The following PAFAH1B1 variants were observed in gnomAD, a reference collection of about 807,000 sequenced individuals.
The protein encoded by PAFAH1B1 is platelet-activating factor acetylhydrolase IB subunit beta.
Under a neutral mutation model 57.5 loss-of-function variants are expected in PAFAH1B1, and 2 were observed. That is an observed-to-expected ratio of 0.03 (90% confidence interval 0.01 to 0.11). The LOEUF is 0.11. Among genes scored for constraint, PAFAH1B1 ranks in the 10% least tolerant of loss-of-function variants. The probability of loss-of-function intolerance (pLI) is 1.00; values close to 1 mark genes in which losing one functional copy is unlikely to be tolerated. For synonymous variants in PAFAH1B1, 152 were observed against 169.6 expected (o/e 0.90, Z 0.81); for missense variants, 257 against 512.0 (o/e 0.50, Z 4.81).
chr17:2,642,593 A>G (rs2068710769), intron 2 of PAFAH1B1, among the ~76,000 whole-genome samples: 1 of 152,170 alleles, frequency 6.6e-6, no homozygotes, highest in South Asian at 2.1e-4. Flanking sequence ...GATCCCAAGC[A>G]TTTCAGATAA....
chr17:2,665,881 T>C (rs2069100719), intron 3 of PAFAH1B1, 135 bp from the exon 4 acceptor site: 1 of 917,606 alleles, frequency 1.1e-6, no homozygotes, highest in South Asian at 1.8e-5. Flanking sequence ...GGATTACAGG[T>C]GAGCCACCAT....
At chr17:2,665,335 G>C (rs780542798) in intron 2 of PAFAH1B1, 37 bp from the exon 3 acceptor site, 1 of 1,095,104 alleles carries the variant, frequency 9.1e-7, no homozygotes, top group Non-Finnish European at 1.4e-6. Flanking sequence ...TAGAAATGAG[G>C]TCTTTTTTTT....
intron 1 of PAFAH1B1, among the ~76,000 whole-genome samples, chr17:2,625,111 T>TTGGATAGCAGATACG: frequency 6.6e-6 from 1 of 152,266 alleles, no homozygotes; most frequent in East Asian, 1.9e-4. Context: ...AGATGCTGCA[T>TTGGATAGCAGATACG]TGGATAGCAG....
chr17:2,664,694 T>TCTCTCTCTCTCTCTCTCTCTCTCACTC lies in PAFAH1B1; in HGVS notation c.33-678_33-677insCTCTCTCTCTCTCTCTCTCTCTCACTC, dbSNP rs1567554200. Among the ~76,000 whole-genome samples the TCTCTCTCTCTCTCTCTCTCTCTCACTC allele has an allele frequency of 1.7e-5, 2 of 114,462 alleles. 1 individual carries two copies. The highest frequency in any genetic ancestry group is 4.0e-5 in the Non-Finnish European group (2 of 49,928). 75.1% of individuals were successfully genotyped at this position (114,462 alleles called of 152,430 possible). On this transcript the variant is annotated intron_variant, in intron 2 of 10. Transcript: ENST00000397195. ...TCTCTCTCTCTCTCTCTCTCTCTCT[T>TCTCTCTCTCTCTCTCTCTCTCTCACTC]TCTCTCTCCATCTATAAAGCCCAAA... is the stretch of plus-strand genomic sequence containing the variant.
In PAFAH1B1 at chr17:2,682,993, T is replaced by C. The variant is rs1274221307; in HGVS notation, c.*1191T>C. On this transcript the variant is annotated 3_prime_UTR_variant, in exon 11 of 11. Transcript: ENST00000397195. ...CTCCATGTCCTTAGTCCTGGGTTTT[T>C]GAAAAAGTGCTAAAACGGACAAGTA... 1 of 152,638 alleles carries C rather than the reference T, an allele frequency of 6.6e-6. No individual in the cohort carries two copies. The highest frequency in any genetic ancestry group is 1.5e-5 in the Non-Finnish European group (1 of 68,038). The allele number at this position is 152,638 out of a possible 1,614,324, so 9.5% of individuals were successfully genotyped here. A position where few individuals can be genotyped will look rare whatever the true frequency, so the allele number is the denominator to read the frequency against.
chr17:2,665,848 C>T (rs1464711846), intron 3 of PAFAH1B1, among the ~76,000 whole-genome samples, 168 bp from the exon 4 acceptor site: 2 of 152,136 alleles, frequency 1.3e-5, no homozygotes, highest in Admixed American at 6.6e-5. Context: ...GTGATCCACC[C>T]GCCTTAGCTT....
intron 1 of PAFAH1B1, among the ~76,000 whole-genome samples, chr17:2,607,334 C>T (rs1460676695): frequency 7.3e-5 from 11 of 151,702 alleles, no homozygotes; most frequent in Admixed American, 3.9e-4. Flanking sequence ...CCAGCGTGCC[C>T]GGCTGATTTT....
chr17:2,617,127 T>C (rs994322097), intron 1 of PAFAH1B1, among the ~76,000 whole-genome samples: 10 of 152,302 alleles, frequency 6.6e-5, no homozygotes, highest in Middle Eastern at 3.4e-3. Context: ...ATATGACTTA[T>C]ATTGTGTTAC....
intron 2 of PAFAH1B1, among the ~76,000 whole-genome samples, chr17:2,658,837 A>G (rs1453519725): frequency 6.6e-6 from 1 of 152,180 alleles, no homozygotes; most frequent in Non-Finnish European, 1.5e-5. Context: ...ATGGCAATCA[A>G]TTTGTCAGAC....
chr17:2,642,524 G>T (rs1235183055), intron 2 of PAFAH1B1: 2 of 152,058 alleles, frequency 1.3e-5, no homozygotes, highest in Non-Finnish European at 2.9e-5. Context: ...GAGATACCTC[G>T]TTAGATACAT....
chr17:2,609,300 G>T (rs941330171), intron 1 of PAFAH1B1, among the ~76,000 whole-genome samples: 5 of 152,218 alleles, frequency 3.3e-5, no homozygotes, highest in Admixed American at 1.3e-4. Context: ...ATGAGCCACC[G>T]CGCCCGGCTC....
chr17:2,627,452 G>A (rs1182048265), intron 1 of PAFAH1B1, among the ~76,000 whole-genome samples: 1 of 152,122 alleles, frequency 6.6e-6, no homozygotes, highest in Non-Finnish European at 1.5e-5. Flanking sequence ...TGGTCTATGT[G>A]CCTATTTTTT....
At chr17:2,641,951 G>A (rs1466642102) in intron 2 of PAFAH1B1, 2 of 152,116 alleles carry the variant, frequency 1.3e-5, no homozygotes, top group African/African-American at 4.8e-5. Context: ...GTCTTGTATA[G>A]TTTTGGTTGT....
intron 2 of PAFAH1B1, among the ~76,000 whole-genome samples, chr17:2,653,399 C>A (rs2068893348): frequency 1.3e-5 from 2 of 150,452 alleles, no homozygotes; most frequent in Admixed American, 6.8e-5. Flanking sequence ...TGCACATGTA[C>A]CCTAGAACTT....
At chr17:2,612,309 T>G (rs1311332648) in intron 1 of PAFAH1B1, among the ~76,000 whole-genome samples, 1 of 151,596 alleles carries the variant, frequency 6.6e-6, no homozygotes, top group African/African-American at 2.4e-5. Flanking sequence ...GTTCGAGTGA[T>G]TCTCCTGCCT....
chr17:2,676,446 T>G (rs2069269495), intron 8 of PAFAH1B1, 59 bp from the exon 9 acceptor site: 1 of 1,061,052 alleles, frequency 9.4e-7, no homozygotes, highest in Non-Finnish European at 1.5e-6. Context: ...TAGAAGCCAT[T>G]TAAAGTCCAT....
At chr17:2,668,741 C>A (rs1329053180) in intron 5 of PAFAH1B1, among the ~76,000 whole-genome samples, 3 of 151,430 alleles carry the variant, frequency 2.0e-5, no homozygotes, top group African/African-American at 7.3e-5. Flanking sequence ...TTTGGGAGGC[C>A]AAGGTGGGTG....
At chr17:2,628,506 A>G (rs1391439140) in intron 1 of PAFAH1B1, among the ~76,000 whole-genome samples, 2 of 151,946 alleles carry the variant, frequency 1.3e-5, no homozygotes, top group South Asian at 2.1e-4. Context: ...TTTAGCATCT[A>G]TGTTCATTAA....
At chr17:2,616,823 G>A (rs1461055451) in intron 1 of PAFAH1B1, among the ~76,000 whole-genome samples, 1 of 152,070 alleles carries the variant, frequency 6.6e-6, no homozygotes, top group African/African-American at 2.4e-5. Flanking sequence ...CAGCACTTTG[G>A]GAGGCCGAGG....
Sources: allele counts gnomAD v4.1 joint callset (sites outside exome capture counted in the v4.1 genomes callset), GRCh38; gene constraint gnomAD v4.1.1; transcripts MANE v1.5; gene names NCBI Gene and HGNC (gene_info 2026-07-23, HGNC 2026-07-21).